The following PIEZO2 variants were observed in gnomAD, a reference collection of about 807,000 sequenced individuals.
The protein encoded by PIEZO2 is piezo-type mechanosensitive ion channel component 2.
A neutral mutation model predicts 337.3 loss-of-function variants in PIEZO2; 172 were observed. The observed-to-expected ratio is 0.51, with a 90% CI of 0.45 to 0.58. PIEZO2 has a LOEUF of 0.58. Ranked by LOEUF, PIEZO2 falls within the 20% of genes least tolerant of loss-of-function variation. The probability of loss-of-function intolerance (pLI) is 0.00; values close to 1 mark genes in which losing one functional copy is unlikely to be tolerated. For synonymous variants in PIEZO2, 1,251 were observed against 1,228.5 expected, an observed-to-expected ratio of 1.02 and a Z score of -0.38; for missense variants, 3,028 against 3,391.3, an observed-to-expected ratio of 0.89 and a Z score of 2.66.
rs780811237 is a variant in PIEZO2 at position 10,672,650 on chromosome 18, G to C, written c.8345+40C>G. 2 of 1,585,490 alleles carry C rather than the reference G, an allele frequency of 1.3e-6. No individual in the cohort carries two copies. The highest frequency in any genetic ancestry group is 1.7e-6 in the Non-Finnish European group (2 of 1,167,704). ...ACTCTCAACTTTACATGATACAGAA[G>C]TAGACTCTTGTAACTGTGAATTGTT... On this transcript the variant is annotated intron_variant, in intron 55 of 55. Transcript: ENST00000674853. This position sits in a 1 kb window ranked among gnomAD's most constrained non-coding sequence, Gnocchi z 4.7.
rs2036906913 is a variant in PIEZO2, at chr18:11,035,770, G to T, written c.160+30357C>A. 6.6e-6 allele frequency among the ~76,000 whole-genome samples: 1 copy of T among 152,164 alleles called. No homozygotes were observed. The highest frequency in any genetic ancestry group is 6.5e-5 in the Admixed American group (1 of 15,282). On this transcript the variant is annotated intron_variant, in intron 2 of 55. Coordinates refer to ENST00000674853, the MANE Select transcript of PIEZO2 (RefSeq NM_001378183.1). The surrounding 1 kb of genome is among the most constrained non-coding windows in gnomAD (Gnocchi z 4.3). ...ACCTCTGGGAAGATGAGCTAAACAG[G>T]TGCAGCACATATTTGTAAATAAGCC...
In PIEZO2 at chr18:11,080,512, G is replaced by T. The variant is rs530618180; in HGVS notation, c.65-14290C>A. On this transcript the variant is annotated intron_variant, in intron 1 of 55. Coordinates refer to ENST00000674853, the MANE Select transcript of PIEZO2 (RefSeq NM_001378183.1). The surrounding 1 kb of genome is among the most constrained non-coding windows in gnomAD (Gnocchi z 5.4). ...TAAGCCTGTGATGATAGTGCAGAAT[G>T]AATAAAGGAATAAAGGGGTTACCTT... Among the ~76,000 whole-genome samples, 1 of 152,176 alleles carries T rather than the reference G, an allele frequency of 6.6e-6. No homozygotes were observed. Among genetic ancestry groups the T allele is most frequent in the African/African-American group, 2.4e-5 (1 of 41,442 alleles).
At chr18:11,103,659 A>G (rs1025091510) in intron 1 of PIEZO2, among the ~76,000 whole-genome samples, 32 of 152,228 alleles carry the variant, frequency 2.1e-4, no homozygotes, top group African/African-American at 7.7e-4. Flanking sequence ...ATAGAAAACT[A>G]TGACTCTCCA....
In PIEZO2 at chr18:10,866,176, T is replaced by C. The variant is rs186245215; in HGVS notation, c.492+5077A>G. Among the ~76,000 whole-genome samples the C allele has an allele frequency of 1.4e-3, 220 of 152,336 alleles. 2 individuals carry two copies. Among genetic ancestry groups the C allele is most frequent in the African/African-American group, 4.3e-3 (179 of 41,580 alleles). On this transcript the variant is annotated intron_variant, in intron 5 of 55. Coordinates refer to ENST00000674853, the MANE Select transcript of PIEZO2 (RefSeq NM_001378183.1). ...TTTAAATAGTTTAAAGATACTTTAG[T>C]TGATTTCCTCTTTGCGAATTATTTA...
chr18:10,881,879 T>C (rs1371209147), intron 4 of PIEZO2, among the ~76,000 whole-genome samples: 1 of 152,084 alleles, frequency 6.6e-6, no homozygotes, highest in Non-Finnish European at 1.5e-5. Flanking sequence ...CCCACGACAG[T>C]ACTCTTTTTT....
chr18:10,759,603 G>A lies in PIEZO2; in HGVS notation c.3656-20C>T, dbSNP rs115219828. ...GGTAATCTGCAGGGAGGGAAGTGGCGAACAGCACAATCAATACTCTTCTTC... is the reference window on the plus strand; with the variant it reads ...GGTAATCTGCAGGGAGGGAAGTGGCAAACAGCACAATCAATACTCTTCTTC... On this transcript the variant is annotated intron_variant, in intron 25 of 55. Transcript: ENST00000674853. This position sits in a 1 kb window ranked among gnomAD's most constrained non-coding sequence, Gnocchi z 5.5. The A allele has an allele frequency of 1.0e-3, 1,558 of 1,535,644 alleles. 12 individuals are homozygous for A. The African/African-American group carries it at 0.017, about 17-fold the overall frequency.
In PIEZO2 at chr18:10,921,841, A is replaced by G. The variant is rs1053649952; in HGVS notation, c.287-10613T>C. Among the ~76,000 whole-genome samples the G allele has an allele frequency of 2.7e-4, 41 of 152,114 alleles. 1 individual carries two copies. Among genetic ancestry groups the G allele is most frequent in the African/African-American group, 8.2e-4 (34 of 41,436 alleles). On this transcript the variant is annotated intron_variant, in intron 3 of 55. Transcript: ENST00000674853. ...GTGGGTCTCTGAACTGGCCCCCTTG[A>G]GTGTGGCCGTCTTCTATGGTCGAGA...
intron 1 of PIEZO2, among the ~76,000 whole-genome samples, chr18:11,138,713 G>A (rs991578772): frequency 1.6e-4 from 24 of 152,202 alleles, no homozygotes; most frequent in African/African-American, 5.5e-4. Flanking sequence ...GCAAGACAGT[G>A]CTCCTACAAC....
At chr18:10,922,462 T>C (rs911798223) in intron 3 of PIEZO2, among the ~76,000 whole-genome samples, 11 of 152,080 alleles carry the variant, frequency 7.2e-5, no homozygotes, top group Admixed American at 2.6e-4. Context: ...GGTGGCCCTT[T>C]AGTGCAAGAC....
intron 47 of PIEZO2, 58 bp from the exon 48 acceptor site, chr18:10,691,441 T>G: frequency 6.5e-7 from 1 of 1,541,596 alleles, no homozygotes; most frequent in Non-Finnish European, 8.8e-7. Context: ...AACAAAAGGA[T>G]GGCAGTGTCA....
intron 1 of PIEZO2, among the ~76,000 whole-genome samples, chr18:11,089,852 C>T (rs1419839549): frequency 2.6e-5 from 4 of 152,228 alleles, no homozygotes; most frequent in African/African-American, 9.6e-5. Flanking sequence ...CTGTCTTAGC[C>T]CCTTCCTGCA....
chr18:11,059,308 A>G (rs58239488), intron 2 of PIEZO2, among the ~76,000 whole-genome samples: 4,397 of 152,314 alleles, frequency 0.029, 204 homozygotes, highest in African/African-American at 0.097. Context: ...AAACATGCCA[A>G]ATTGTAAAGG....
chr18:11,117,463 A>G (rs971354479), intron 1 of PIEZO2, among the ~76,000 whole-genome samples: 1 of 152,160 alleles, frequency 6.6e-6, no homozygotes, highest in African/African-American at 2.4e-5. Flanking sequence ...GAATTCCTAA[A>G]AGACACAAAT....
Position 10,724,022 on chromosome 18 carries a change from CCT to C in PIEZO2, c.5030-5765_5030-5764del, listed in dbSNP as rs2036428049. Among the ~76,000 whole-genome samples, 1 of 152,110 alleles carries C rather than the reference CCT, an allele frequency of 6.6e-6. No homozygotes were observed. Among genetic ancestry groups the C allele is most frequent in the African/African-American group, 2.4e-5 (1 of 41,424 alleles). ...AAGATGCCATAGGCAGAAGGCAGCC[CCT>C]GAGGCCTTCTCACCTACCTAATCAG... On this transcript the variant is annotated intron_variant, in intron 36 of 55. Coordinates refer to ENST00000674853, the MANE Select transcript of PIEZO2 (RefSeq NM_001378183.1). The surrounding 1 kb of genome is among the most constrained non-coding windows in gnomAD (Gnocchi z 5.8).
Position 10,773,671 on chromosome 18 carries a change from T to G in PIEZO2, c.2568-42A>C. 1 of 1,520,440 alleles carries G rather than the reference T, an allele frequency of 6.6e-7. No homozygotes were observed. Among genetic ancestry groups the G allele is most frequent in the Non-Finnish European group, 8.8e-7 (1 of 1,132,310 alleles). 94.2% of individuals were successfully genotyped at this position (1,520,440 alleles called of 1,614,324 possible). A position where few individuals can be genotyped will look rare whatever the true frequency, so the allele number is the denominator to read the frequency against. On this transcript the variant is annotated intron_variant, in intron 19 of 55. Transcript: ENST00000674853. The surrounding 1 kb of genome is among the most constrained non-coding windows in gnomAD (Gnocchi z 5.3). The stretch of plus-strand genomic sequence containing the variant: ...GCTGAGTCAGAAGAGGAAAGGGTGT[T>G]GGGAGAGATTTGACTGAGGGGCAAG...
At chr18:10,706,071 T>C (rs11659591) in intron 40 of PIEZO2, among the ~76,000 whole-genome samples, 40,938 of 151,916 alleles carry the variant, frequency 0.27, 5,667 homozygotes, top group East Asian at 0.4. Flanking sequence ...TCTGTTGCCA[T>C]ATCAACACAG....
chr18:11,091,681 G>A (rs2039095689), intron 1 of PIEZO2, among the ~76,000 whole-genome samples: 1 of 152,182 alleles, frequency 6.6e-6, no homozygotes, highest in Non-Finnish European at 1.5e-5. Flanking sequence ...GCCAGCCCAT[G>A]TCTGGCATAC....
At position 10,819,917 on chromosome 18, in the gene PIEZO2, C is replaced by A. The variant is rs1408632785; in HGVS notation, c.918-12643G>T. On this transcript the variant is annotated intron_variant, in intron 7 of 55. Transcript: ENST00000674853. The surrounding 1 kb of genome is among the most constrained non-coding windows in gnomAD (Gnocchi z 4.3). ...TAATATCTTTATTTGACCTTCATTT[C>A]TTCTACCTACATTCTCAGATACAGA... Among the ~76,000 whole-genome samples, 1 of 152,126 alleles carries A rather than the reference C, an allele frequency of 6.6e-6. No homozygotes were observed. The highest frequency in any genetic ancestry group is 1.9e-4 in the East Asian group (1 of 5,198).
chr18:10,762,390 T>C, intron 23 of PIEZO2, 110 bp downstream of exon 23: 1 of 1,326,246 alleles, frequency 7.5e-7, no homozygotes, highest in Non-Finnish European at 1.0e-6. Flanking sequence ...AAATCCCACA[T>C]GAGAAGATAT....
Sources: allele counts gnomAD v4.1 joint callset (sites outside exome capture counted in the v4.1 genomes callset), GRCh38; gene constraint gnomAD v4.1.1; non-coding constraint Gnocchi (gnomAD v3.1); transcripts MANE v1.5; gene names NCBI Gene and HGNC (gene_info 2026-07-23, HGNC 2026-07-21).